The following KATNAL1 variants were observed in gnomAD, a reference collection of about 807,000 sequenced individuals.
KATNAL1 encodes the protein katanin p60 ATPase-containing subunit A-like 1.
A neutral mutation model predicts 55.2 loss-of-function variants in KATNAL1; 32 were observed. The observed-to-expected ratio is 0.58, with a 90% CI of 0.44 to 0.78. KATNAL1 has a LOEUF of 0.78. KATNAL1 is among the 30% of genes least tolerant of loss of function. KATNAL1 has a pLI of 0.00. For synonymous variants in KATNAL1, 193 were observed against 193.6 expected, an observed-to-expected ratio of 1.00 and a Z score of 0.02; for missense variants, 466 against 600.9, an observed-to-expected ratio of 0.78 and a Z score of 2.35.
intron 6 of KATNAL1, among the ~76,000 whole-genome samples, chr13:30,234,378 A>T (rs1374614821): frequency 6.6e-6 from 1 of 152,072 alleles, no homozygotes; most frequent in Non-Finnish European, 1.5e-5. Flanking sequence ...ATTCACTAAA[A>T]ATACTTCATT....
intron 9 of KATNAL1, among the ~76,000 whole-genome samples, chr13:30,222,259 T>G (rs1874949241): frequency 1.3e-5 from 2 of 152,034 alleles, no homozygotes; most frequent in Non-Finnish European, 1.5e-5. Flanking sequence ...AAGAAGAAAT[T>G]CAGCAAATGG....
At chr13:30,236,755 C>T (rs946427318) in intron 6 of KATNAL1, among the ~76,000 whole-genome samples, 6 of 152,192 alleles carry the variant, frequency 3.9e-5, no homozygotes, top group African/African-American at 1.4e-4. Context: ...GTCACACCAA[C>T]CATTCCAGCA....
chr13:30,296,675 C>T, intron 1 of KATNAL1: 1 of 654,310 alleles, frequency 1.5e-6, no homozygotes, highest in East Asian at 3.3e-5. Context: ...GGAAGCTTGG[C>T]AGTGACACAA....
intron 1 of KATNAL1, among the ~76,000 whole-genome samples, chr13:30,304,710 T>C (rs1035250850): frequency 6.6e-5 from 10 of 152,212 alleles, no homozygotes; most frequent in African/African-American, 2.4e-4. Context: ...CAGCCTGCTC[T>C]CTCTGAACTC....
chr13:30,274,043 A>G (rs1415387053), intron 3 of KATNAL1, among the ~76,000 whole-genome samples: 1 of 152,234 alleles, frequency 6.6e-6, no homozygotes, highest in African/African-American at 2.4e-5. Flanking sequence ...CACCAGGCAC[A>G]ATACTAGGCA....
Position 30,203,577 on chromosome 13 carries a change from C to T in KATNAL1, c.*4963G>A, listed in dbSNP as rs575287413. ...TTTTTGTGTCAAATTTCCATATGTA[C>T]AAAAACCTACACACTGTTGGTAATA... On this transcript the variant is annotated 3_prime_UTR_variant, in exon 11 of 11. Coordinates refer to ENST00000380615, the MANE Select transcript of KATNAL1 (RefSeq NM_032116.5). The T allele has an allele frequency of 6.6e-5, 10 of 152,108 alleles. No individual in the cohort carries two copies. Among genetic ancestry groups the T allele is most frequent in the African/African-American group, 2.4e-4 (10 of 41,412 alleles). The allele number at this position is 152,108 out of a possible 1,614,324, so 9.4% of individuals were successfully genotyped here. A position where few individuals can be genotyped will look rare whatever the true frequency, so the allele number is the denominator to read the frequency against.
intron 3 of KATNAL1, among the ~76,000 whole-genome samples, chr13:30,262,981 G>A (rs1879434678): frequency 6.6e-6 from 1 of 152,138 alleles, no homozygotes; most frequent in Admixed American, 6.5e-5. Flanking sequence ...TAAAATACTG[G>A]CAAACCGAAT....
chr13:30,279,935 G>C (rs1305056506), intron 3 of KATNAL1, 128 bp downstream of exon 3: 1 of 752,510 alleles, frequency 1.3e-6, no homozygotes, highest in East Asian at 2.8e-5. Context: ...GTATAAATGT[G>C]AATATTAAAA....
intron 3 of KATNAL1, among the ~76,000 whole-genome samples, chr13:30,272,585 C>T (rs958531374): frequency 1.3e-5 from 2 of 152,016 alleles, no homozygotes; most frequent in Non-Finnish European, 2.9e-5. Flanking sequence ...CTATCTTGTT[C>T]CCACTACTTA....
At chr13:30,274,891 ACGCGCGCGCGCG>A (rs138328965) in intron 3 of KATNAL1, among the ~76,000 whole-genome samples, 3 of 122,200 alleles carry the variant, frequency 2.5e-5, no homozygotes, top group East Asian at 5.1e-4. Flanking sequence ...GCACACACAT[ACGCGCGCGCGCG>A]CGCGCACACA....
rs868497745 is a variant in KATNAL1 at position 30,240,290 on chromosome 13, A to C, written c.726+170T>G. Reference sequence around the variant, plus strand: ...TCCAAGCCCATCTCTCCTGCTATGCAGATGTAACACATCACAACTACAAAT... The same window carrying C: ...TCCAAGCCCATCTCTCCTGCTATGCCGATGTAACACATCACAACTACAAAT... On this transcript the variant is annotated intron_variant, in intron 6 of 10. Transcript: ENST00000380615. Among the ~76,000 whole-genome samples the C allele has an allele frequency of 2.6e-5, 4 of 152,262 alleles. No homozygotes were observed. In the South Asian group the frequency reaches 8.3e-4, roughly 32 times the overall value.
intron 5 of KATNAL1, 124 bp downstream of exon 5, chr13:30,240,835 T>C (rs984711713): frequency 1.1e-6 from 1 of 916,660 alleles, no homozygotes; most frequent in Non-Finnish European, 1.6e-6. Context: ...GTCAATTCTA[T>C]ACTTTCATAT....
intron 3 of KATNAL1, among the ~76,000 whole-genome samples, chr13:30,267,211 AATTT>A (rs1485748108): frequency 6.6e-6 from 1 of 152,196 alleles, no homozygotes; most frequent in Non-Finnish European, 1.5e-5. Context: ...TAAGATACTT[AATTT>A]ATTTTTTGCC....
chr13:30,268,814 A>G (rs1879982208), intron 3 of KATNAL1, among the ~76,000 whole-genome samples: 1 of 152,190 alleles, frequency 6.6e-6, no homozygotes, highest in Non-Finnish European at 1.5e-5. Context: ...CCATTGGCAA[A>G]CGCATGAATA....
At chr13:30,274,341 G>A (rs142453283) in intron 3 of KATNAL1, among the ~76,000 whole-genome samples, 2 of 152,136 alleles carry the variant, frequency 1.3e-5, no homozygotes, top group African/African-American at 4.8e-5. Flanking sequence ...ATCTCTCTGA[G>A]TACCCAAAGA....
rs775794963 is a variant in KATNAL1, at chr13:30,208,665, CTT to C, written c.1346_1347del (p.Lys449ArgfsTer13). ...TTGGTAACAGGCATCTGAAGTTCCT[CTT>C]TAGAAAGTGCACGGATTTCTTCTGG... ...LSPEEIRALS[K>X]EELQMPVTKG... On this transcript the variant is annotated frameshift_variant, in exon 11 of 11. Coordinates refer to ENST00000380615, the MANE Select transcript of KATNAL1 (RefSeq NM_032116.5). LOFTEE classifies it high-confidence loss of function. The C allele has an allele frequency of 1.2e-6, 2 of 1,614,054 alleles. No homozygotes were observed. The highest frequency in any genetic ancestry group is 1.7e-5 in the Admixed American group (1 of 60,018).
intron 3 of KATNAL1, among the ~76,000 whole-genome samples, chr13:30,270,422 A>G (rs371595281): frequency 2.4e-4 from 37 of 152,108 alleles, no homozygotes; most frequent in African/African-American, 7.7e-4. Flanking sequence ...TGGGAGGTGT[A>G]CCCAACAGCT....
rs1036711956 is a variant in KATNAL1 at position 30,299,045 on chromosome 13, T to G, written c.-15+8286A>C. ...AAACAGAAAGAAATGACAAATTATA[T>G]ACAAAGGAAAGAAATTATATTGACA... is the stretch of plus-strand genomic sequence containing the variant. On this transcript the variant is annotated intron_variant, in intron 1 of 10. Coordinates refer to ENST00000380615, the MANE Select transcript of KATNAL1 (RefSeq NM_032116.5). 3.3e-5 allele frequency among the ~76,000 whole-genome samples: 5 copies of G among 152,262 alleles called. No homozygotes were observed. In the East Asian group the frequency reaches 9.6e-4, roughly 29 times the overall value.
At chr13:30,218,032 A>G (rs1194131990) in intron 9 of KATNAL1, among the ~76,000 whole-genome samples, 2 of 151,982 alleles carry the variant, frequency 1.3e-5, no homozygotes, top group Non-Finnish European at 2.9e-5. Context: ...ATTTAAAGAG[A>G]AGGGAAGAGA....
Sources: gnomAD v4.1 joint callset for allele counts (sites outside exome capture counted in the v4.1 genomes callset) on GRCh38, gnomAD v4.1.1 for gene constraint, MANE v1.5 for transcripts, NCBI Gene and HGNC (gene_info 2026-07-23, HGNC 2026-07-21) for gene names.